NEDD4L: variants seen among roughly 807,000 people sequenced by gnomAD.
The protein encoded by NEDD4L is E3 ubiquitin-protein ligase NEDD4-like.
NEDD4L carries 54 observed loss-of-function variants against 148.9 expected under a neutral mutation model. The ratio of observed to expected loss-of-function variants is 0.36; its 90% CI spans 0.29 to 0.45. The LOEUF is 0.45. Ranked by LOEUF, NEDD4L falls within the 20% of genes least tolerant of loss-of-function variation. The pLI is 1.00. For missense variants in NEDD4L, 856 were observed against 1,233.8 expected (o/e 0.69, Z 4.59); for synonymous variants, 433 against 440.7 (o/e 0.98, Z 0.22).
At chr18:58,309,503 C>T (rs1351232538) in intron 5 of NEDD4L, among the ~76,000 whole-genome samples, 1 of 152,126 alleles carries the variant, frequency 6.6e-6, no homozygotes, top group African/African-American at 2.4e-5. Context: ...GAACCATGGA[C>T]AGTCCAGGTG....
At chr18:58,319,790 T>C (rs1471769514) in intron 6 of NEDD4L, among the ~76,000 whole-genome samples, 1 of 152,190 alleles carries the variant, frequency 6.6e-6, no homozygotes, top group African/African-American at 2.4e-5. Flanking sequence ...CTGCTTGGCA[T>C]TGAGTTGGCA....
intron 18 of NEDD4L, among the ~76,000 whole-genome samples, chr18:58,352,708 C>A (rs2044068257): frequency 6.6e-6 from 1 of 152,132 alleles, no homozygotes; most frequent in Admixed American, 6.5e-5. Flanking sequence ...ATCACAATCA[C>A]AGTTTTAAGA....
intron 1 of NEDD4L, among the ~76,000 whole-genome samples, chr18:58,096,086 T>C (rs2084373828): frequency 6.6e-6 from 1 of 152,138 alleles, no homozygotes; most frequent in African/African-American, 2.4e-5. Flanking sequence ...AATGTTTACA[T>C]GGAAAGGCTC....
At chr18:58,329,697 C>T (rs1234096260) in intron 10 of NEDD4L, among the ~76,000 whole-genome samples, 2 of 147,510 alleles carry the variant, frequency 1.4e-5, no homozygotes, top group Non-Finnish European at 3.0e-5. Flanking sequence ...AGACGGGTTT[C>T]ACCATGTTGG....
chr18:58,171,446 C>T (rs1054758346), intron 2 of NEDD4L, among the ~76,000 whole-genome samples: 1 of 151,882 alleles, frequency 6.6e-6, no homozygotes, highest in Non-Finnish European at 1.5e-5. Flanking sequence ...CTGCCCACCT[C>T]ATCACCCCAG....
intron 25 of NEDD4L, among the ~76,000 whole-genome samples, chr18:58,384,597 C>G (rs2048764948): frequency 6.6e-6 from 1 of 152,188 alleles, no homozygotes; most frequent in Non-Finnish European, 1.5e-5. Context: ...TTTTAGGGTT[C>G]AAACGTGGTG....
At chr18:58,053,202 T>G (rs2081953846) in intron 1 of NEDD4L, among the ~76,000 whole-genome samples, 1 of 152,188 alleles carries the variant, frequency 6.6e-6, no homozygotes, top group Non-Finnish European at 1.5e-5. Context: ...TGTTTCCATC[T>G]CCTGTCTACC....
In NEDD4L at chr18:58,150,672, T is replaced by C. The variant is rs148576008; in HGVS notation, c.49-15116T>C. Among the ~76,000 whole-genome samples the C allele has an allele frequency of 5.6e-4, 85 of 152,352 alleles. No homozygotes were observed. The East Asian group carries it at 0.015, about 26-fold the overall frequency. ...CTTTGAATATTTATTTGCAGAGAAG[T>C]AGCAGGGAGGACTAGGAATGACTTT... On this transcript the variant is annotated intron_variant, in intron 1 of 30. Transcript: ENST00000400345.
chr18:58,187,807 C>T (rs1470494696), intron 2 of NEDD4L, among the ~76,000 whole-genome samples: 6 of 152,124 alleles, frequency 3.9e-5, no homozygotes, highest in Non-Finnish European at 7.4e-5. Context: ...AGAAAATCCT[C>T]ACCACCGCCC....
chr18:58,251,979 A>G, intron 4 of NEDD4L, 22 bp from the exon 5 acceptor site: 1 of 1,393,114 alleles, frequency 7.2e-7, no homozygotes, highest in Non-Finnish European at 1.0e-6. Flanking sequence ...CGTTTAAAAA[A>G]TACTATTTAT....
At chr18:58,092,758 T>C (rs2084151398) in intron 1 of NEDD4L, among the ~76,000 whole-genome samples, 2 of 151,442 alleles carry the variant, frequency 1.3e-5, no homozygotes, top group South Asian at 4.2e-4. Context: ...ATGAGCAAAA[T>C]TTCAGTTTAT....
intron 2 of NEDD4L, among the ~76,000 whole-genome samples, chr18:58,207,365 A>T (rs1243676843): frequency 1.3e-5 from 2 of 151,996 alleles, no homozygotes; most frequent in Non-Finnish European, 2.9e-5. Flanking sequence ...TTTATAGCCA[A>T]TGCAGCGTCC....
Position 58,366,031 on chromosome 18 carries a change from T to A in NEDD4L, c.1866T>A (p.Leu622=). 1.2e-6 allele frequency: 2 copies of A among 1,612,328 alleles called. No homozygotes were observed. Among genetic ancestry groups the A allele is most frequent in the Non-Finnish European group, 1.7e-6 (2 of 1,179,086 alleles). The change falls in exon 21 of 31, where the codon CTT becomes CTA. Residue 622 remains leucine, a synonymous_variant. Transcript: ENST00000400345. The surrounding 1 kb of genome is among the most constrained non-coding windows in gnomAD (Gnocchi z 4.2). ...TCCCCAATAGGTTTGAAATGAAACT[T>A]CACAGAAATAACATATTTGAAGAGT... is the stretch of plus-strand genomic sequence containing the variant. ...ADIPNRFEMK[L]HRNNIFEESY...
chr18:58,111,173 T>G (rs2085397748), intron 1 of NEDD4L, among the ~76,000 whole-genome samples: 1 of 152,196 alleles, frequency 6.6e-6, no homozygotes, highest in African/African-American at 2.4e-5. Flanking sequence ...GTTCAAGCAA[T>G]TCTCCTGGCT....
At chr18:58,193,984 T>C (rs1282519551) in intron 2 of NEDD4L, 2 of 152,470 alleles carry the variant, frequency 1.3e-5, no homozygotes, top group South Asian at 2.1e-4. Flanking sequence ...CTTTTCTCCA[T>C]GTGTGTTGTG....
intron 16 of NEDD4L, among the ~76,000 whole-genome samples, chr18:58,349,089 G>A (rs998244456): frequency 2.3e-4 from 35 of 152,136 alleles, no homozygotes; most frequent in African/African-American, 8.5e-4. Flanking sequence ...AGTGCTGGAG[G>A]AGGGTGTGGC....
rs2050737688 is a variant in NEDD4L, at chr18:58,399,836, C to T, written c.*3567C>T. The T allele has an allele frequency of 6.6e-6, 1 of 152,198 alleles. No homozygotes were observed. Among genetic ancestry groups the T allele is most frequent in the Non-Finnish European group, 1.5e-5 (1 of 68,044 alleles). 9.4% of individuals were successfully genotyped at this position (152,198 alleles called of 1,614,324 possible). Reference sequence around the variant, plus strand: ...GCATGCAAAACATTTGAACCATTTTCTACATCTCCCATTGTTGCATAGAGA... The same window carrying T: ...GCATGCAAAACATTTGAACCATTTTTTACATCTCCCATTGTTGCATAGAGA... On this transcript the variant is annotated 3_prime_UTR_variant, in exon 31 of 31. Transcript: ENST00000400345.
At chr18:58,119,485 G>A (rs1424177556) in intron 1 of NEDD4L, among the ~76,000 whole-genome samples, 1 of 152,232 alleles carries the variant, frequency 6.6e-6, no homozygotes, top group East Asian at 1.9e-4. Context: ...AGCTGCCACA[G>A]TGTCTTTGCA....
At chr18:58,114,014 G>A (rs1055986159) in intron 1 of NEDD4L, among the ~76,000 whole-genome samples, 2 of 152,148 alleles carry the variant, frequency 1.3e-5, no homozygotes, top group African/African-American at 4.8e-5. Flanking sequence ...ACCAGCCGCA[G>A]GGCACTTTGG....
Sources: allele counts gnomAD v4.1 joint callset (sites outside exome capture counted in the v4.1 genomes callset), GRCh38; gene constraint gnomAD v4.1.1; non-coding constraint Gnocchi (gnomAD v3.1); transcripts MANE v1.5; gene names NCBI Gene and HGNC (gene_info 2026-07-23, HGNC 2026-07-21).